The following RAB3IP variants were observed in gnomAD, a reference collection of about 807,000 sequenced individuals.
The protein encoded by RAB3IP is rab-3A-interacting protein.
A neutral mutation model predicts 59.1 loss-of-function variants in RAB3IP; 36 were observed. That is an observed-to-expected ratio of 0.61 (90% confidence interval 0.47 to 0.80). RAB3IP has a LOEUF of 0.80. Among genes scored for constraint, RAB3IP ranks in the 30% least tolerant of loss-of-function variants. The probability of loss-of-function intolerance (pLI) is 0.00; values close to 1 mark genes in which losing one functional copy is unlikely to be tolerated. For missense variants in RAB3IP, 511 were observed against 536.0 expected (o/e 0.95, Z 0.46); for synonymous variants, 207 against 191.2 (o/e 1.08, Z -0.68).
chr12:69,739,778 C>G, intron 1 of RAB3IP: 1 of 1,595,306 alleles, frequency 6.3e-7, no homozygotes, highest in Non-Finnish European at 8.6e-7. Flanking sequence ...CCAGGAAGCG[C>G]GAGCTTACTG....
chr12:69,807,972 A>G (rs1038424537), intron 8 of RAB3IP, among the ~76,000 whole-genome samples: 9 of 152,126 alleles, frequency 5.9e-5, no homozygotes, highest in African/African-American at 1.7e-4. Context: ...AGTTCTTTCA[A>G]TTGTGATGTT....
intron 8 of RAB3IP, among the ~76,000 whole-genome samples, chr12:69,803,323 A>G (rs1021606015): frequency 1.3e-5 from 2 of 152,074 alleles, no homozygotes; most frequent in South Asian, 2.1e-4. Context: ...GTCTTCCTTT[A>G]TGAAATGTGA....
rs201370646 is a variant in RAB3IP at position 69,747,329 on chromosome 12, TGTGAGAGA to T, written c.-25-8053_-25-8046del. Among the ~76,000 whole-genome samples the T allele has an allele frequency of 7.3e-4, 67 of 91,962 alleles. 2 individuals are homozygous for T. In the East Asian group the frequency reaches 0.018, roughly 25 times the overall value. The allele number at this position is 91,962 out of a possible 152,430, so 60.3% of individuals were successfully genotyped here. A position where few individuals can be genotyped will look rare whatever the true frequency, so the allele number is the denominator to read the frequency against. ...GTGTGTGTGTGTGTGTGTGTGTGTG[TGTGAGAGA>T]GAGAGAGAGAGAGGATCTTTCTCTG... On this transcript the variant is annotated intron_variant, in intron 1 of 10. Coordinates refer to ENST00000247833, the MANE Select transcript of RAB3IP (RefSeq NM_022456.5).
At chr12:69,788,815 G>A (rs184544710) in intron 4 of RAB3IP, among the ~76,000 whole-genome samples, 47 of 152,134 alleles carry the variant, frequency 3.1e-4, no homozygotes, top group Non-Finnish European at 3.8e-4. Flanking sequence ...CACAAAACAA[G>A]TCTCAGATTT....
At chr12:69,809,410 A>G (rs1318581767) in intron 8 of RAB3IP, among the ~76,000 whole-genome samples, 16 of 151,822 alleles carry the variant, frequency 1.1e-4, no homozygotes, top group Non-Finnish European at 1.6e-4. Flanking sequence ...GTATCTTTGT[A>G]GCATTCTCTG....
intron 1 of RAB3IP, among the ~76,000 whole-genome samples, chr12:69,753,961 G>A (rs1869749516): frequency 1.3e-5 from 2 of 152,082 alleles, no homozygotes; most frequent in Admixed American, 6.6e-5. Context: ...AGCATATGTG[G>A]TATTGTTAGT....
intron 8 of RAB3IP, among the ~76,000 whole-genome samples, chr12:69,803,457 TGAAG>T (rs1878706895): frequency 6.6e-6 from 1 of 152,072 alleles, no homozygotes. Context: ...GTACTCTTCT[TGAAG>T]GAAGAGAGAT....
At chr12:69,782,006 C>T (rs565093968) in intron 3 of RAB3IP, among the ~76,000 whole-genome samples, 1 of 152,120 alleles carries the variant, frequency 6.6e-6, no homozygotes, top group Non-Finnish European at 1.5e-5. Context: ...AATTAGAGTT[C>T]CTATTTGTTC....
rs1881708590 is a variant in RAB3IP, at chr12:69,821,254, A to C, written c.*5808A>C. On this transcript the variant is annotated 3_prime_UTR_variant, in exon 11 of 11. Transcript: ENST00000247833. ...AAATGTCAATACCAAAGCAAACCCA[A>C]ATCACAACTAGATTAGATTACTATT... The C allele has an allele frequency of 6.6e-6, 1 of 152,208 alleles. No homozygotes were observed. The highest frequency in any genetic ancestry group is 1.9e-4 in the East Asian group (1 of 5,196). 9.4% of individuals were successfully genotyped at this position (152,208 alleles called of 1,614,324 possible).
intron 1 of RAB3IP, among the ~76,000 whole-genome samples, chr12:69,747,033 T>C (rs1233074511): frequency 6.6e-6 from 1 of 152,250 alleles, no homozygotes; most frequent in Non-Finnish European, 1.5e-5. Context: ...GATTTATAGA[T>C]GTTTACTTTT....
rs1367688645 is a variant in RAB3IP, at chr12:69,821,928, AT to A, written c.*6484del. The A allele has an allele frequency of 6.6e-6, 1 of 152,190 alleles. No homozygotes were observed. The highest frequency in any genetic ancestry group is 1.5e-5 in the Non-Finnish European group (1 of 68,048). 9.4% of individuals were successfully genotyped at this position (152,190 alleles called of 1,614,324 possible). A position where few individuals can be genotyped will look rare whatever the true frequency, so the allele number is the denominator to read the frequency against. ...GGAAGTATTTCAGTTCGGAACCCCA[AT>A]TCTAACCTTAGCTTCTCAGGCCATT... On this transcript the variant is annotated 3_prime_UTR_variant, in exon 11 of 11. Transcript: ENST00000247833.
chr12:69,801,478 C>T, intron 7 of RAB3IP, 131 bp from the exon 8 acceptor site: 4 of 480,420 alleles, frequency 8.3e-6, no homozygotes, highest in Non-Finnish European at 1.5e-5. Context: ...TGATTTCTTC[C>T]TTTTTCATTT....
chr12:69,739,916 C>G, intron 1 of RAB3IP: 1 of 1,590,468 alleles, frequency 6.3e-7, no homozygotes, highest in Non-Finnish European at 8.6e-7. Context: ...GTACTGATTA[C>G]TGAGAGGCAA....
intron 8 of RAB3IP, among the ~76,000 whole-genome samples, chr12:69,807,205 G>T (rs1283187353): frequency 2.1e-5 from 3 of 143,504 alleles, no homozygotes; most frequent in Non-Finnish European, 4.5e-5. Context: ...ACAGTGGGCG[G>T]CCAGGCAGAG....
chr12:69,748,827 T>G (rs1868763619), intron 1 of RAB3IP, among the ~76,000 whole-genome samples: 1 of 152,150 alleles, frequency 6.6e-6, no homozygotes, highest in African/African-American at 2.4e-5. Flanking sequence ...GAAATAAATC[T>G]TAAAGCTTCT....
At chr12:69,798,210 G>A (rs1877827374) in intron 6 of RAB3IP, among the ~76,000 whole-genome samples, 1 of 152,190 alleles carries the variant, frequency 6.6e-6, no homozygotes, top group African/African-American at 2.4e-5. Context: ...TTTAATGATT[G>A]CCATTGTAAC....
At chr12:69,786,744 A>G (rs138515928) in intron 4 of RAB3IP, among the ~76,000 whole-genome samples, 2 of 152,338 alleles carry the variant, frequency 1.3e-5, no homozygotes, top group African/African-American at 2.4e-5. Flanking sequence ...AAAAACAGAA[A>G]GAAACTTCTC....
At chr12:69,790,372 G>A (rs1053551985) in intron 4 of RAB3IP, among the ~76,000 whole-genome samples, 8 of 152,130 alleles carry the variant, frequency 5.3e-5, no homozygotes, top group African/African-American at 1.9e-4. Context: ...AAAAAGACTT[G>A]TATACTGAAA....
At chr12:69,770,376 T>A (rs1192066728) in intron 3 of RAB3IP, among the ~76,000 whole-genome samples, 1 of 152,196 alleles carries the variant, frequency 6.6e-6, no homozygotes, top group African/African-American at 2.4e-5. Flanking sequence ...TCCTGTATAC[T>A]TTAAATCATC....
Sources: gnomAD v4.1 joint callset for allele counts (sites outside exome capture counted in the v4.1 genomes callset) on GRCh38, gnomAD v4.1.1 for gene constraint, MANE v1.5 for transcripts, NCBI Gene and HGNC (gene_info 2026-07-23, HGNC 2026-07-21) for gene names.